The following RTN4RL1 variants were observed in gnomAD, a reference collection of about 807,000 sequenced individuals.
RTN4RL1 encodes the protein reticulon 4 receptor like 1.
A neutral mutation model predicts 25.6 loss-of-function variants in RTN4RL1; 7 were observed. The ratio of observed to expected loss-of-function variants is 0.27; its 90% confidence interval spans 0.16 to 0.51. The LOEUF (loss-of-function observed/expected upper bound fraction) is 0.51. RTN4RL1 is among the 20% of genes least tolerant of loss of function. The probability of loss-of-function intolerance (pLI) is 0.97; values close to 1 mark genes in which losing one functional copy is unlikely to be tolerated. For synonymous variants in RTN4RL1, 297 were observed against 288.2 expected (o/e 1.03, Z -0.31); for missense variants, 500 against 615.6 (o/e 0.81, Z 1.99).
At chr17:1,991,456 AAAAAAAAC>A (rs1224856612) in intron 1 of RTN4RL1, among the ~76,000 whole-genome samples, 4 of 145,122 alleles carry the variant, frequency 2.8e-5, no homozygotes, top group African/African-American at 1.0e-4. Flanking sequence ...TAAAAAAAAA[AAAAAAAAC>A]AAAAAAAAAC....
chr17:1,967,747 C>T (rs891960387), intron 1 of RTN4RL1, among the ~76,000 whole-genome samples: 1 of 152,122 alleles, frequency 6.6e-6, no homozygotes, highest in African/African-American at 2.4e-5. Context: ...TTAAGCGATT[C>T]TCCTGCCTCA....
intron 1 of RTN4RL1, among the ~76,000 whole-genome samples, chr17:1,990,046 G>T (rs961443058): frequency 6.6e-6 from 1 of 151,628 alleles, no homozygotes; most frequent in Admixed American, 6.6e-5. Context: ...CACTTAAAAT[G>T]ATTACAATGG....
intron 1 of RTN4RL1, among the ~76,000 whole-genome samples, chr17:1,992,423 A>C (rs2066913579): frequency 6.6e-6 from 1 of 152,124 alleles, no homozygotes; most frequent in Non-Finnish European, 1.5e-5. Context: ...TTCAGAGAGA[A>C]CCAACTTGTG....
At chr17:2,016,759 A>T (rs1385328362) in intron 1 of RTN4RL1, among the ~76,000 whole-genome samples, 1 of 152,220 alleles carries the variant, frequency 6.6e-6, no homozygotes, top group Non-Finnish European at 1.5e-5. Context: ...CATTGTCCCC[A>T]GCGTCCGGCC....
intron 1 of RTN4RL1, among the ~76,000 whole-genome samples, chr17:1,951,256 C>G (rs1463896634): frequency 6.8e-6 from 1 of 147,654 alleles, no homozygotes; most frequent in African/African-American, 2.5e-5. Context: ...CAGAGCGAGA[C>G]TCCGTCTCAA....
chr17:1,996,715 A>T (rs1170824706), intron 1 of RTN4RL1, among the ~76,000 whole-genome samples: 1 of 152,206 alleles, frequency 6.6e-6, no homozygotes, highest in African/African-American at 2.4e-5. Context: ...CTGGTTACAA[A>T]CTCAATCTGG....
chr17:1,952,799 G>A (rs975362069), intron 1 of RTN4RL1, among the ~76,000 whole-genome samples: 1 of 151,550 alleles, frequency 6.6e-6, no homozygotes, highest in African/African-American at 2.4e-5. Context: ...ACTGTCTGGG[G>A]TTGGTTTAAA....
intron 1 of RTN4RL1, among the ~76,000 whole-genome samples, chr17:1,992,683 C>T (rs1187239064): frequency 1.3e-5 from 2 of 152,258 alleles, no homozygotes; most frequent in Non-Finnish European, 2.9e-5. Flanking sequence ...GAAGTGGGAG[C>T]CTGCTCAGCT....
At chr17:1,977,125 ATC>A (rs2066845694) in intron 1 of RTN4RL1, among the ~76,000 whole-genome samples, 1 of 152,270 alleles carries the variant, frequency 6.6e-6, no homozygotes, top group Non-Finnish European at 1.5e-5. Flanking sequence ...AAGATGCCGT[ATC>A]CAGTTTCCTT....
intron 1 of RTN4RL1, among the ~76,000 whole-genome samples, chr17:2,002,089 G>C (rs952371770): frequency 6.6e-5 from 10 of 151,530 alleles, no homozygotes; most frequent in Non-Finnish European, 1.3e-4. Context: ...GGGGGATGAT[G>C]AGGAGAAAGA....
At chr17:1,961,055 C>T (rs533565796) in intron 1 of RTN4RL1, among the ~76,000 whole-genome samples, 1 of 152,346 alleles carries the variant, frequency 6.6e-6, no homozygotes, top group Admixed American at 6.5e-5. Flanking sequence ...CATTTATTGT[C>T]TTTCCCCTTG....
intron 1 of RTN4RL1, among the ~76,000 whole-genome samples, chr17:1,991,153 A>G (rs145665195): frequency 7.3e-4 from 111 of 152,298 alleles, no homozygotes; most frequent in African/African-American, 2.4e-3. Context: ...TGTCTGTTCT[A>G]TAAGTGCAAT....
At chr17:1,958,646 T>C (rs1407788506) in intron 1 of RTN4RL1, among the ~76,000 whole-genome samples, 1 of 152,204 alleles carries the variant, frequency 6.6e-6, no homozygotes, top group Non-Finnish European at 1.5e-5. Flanking sequence ...CAGGGGATAC[T>C]TGAAAGAGGT....
intron 1 of RTN4RL1, among the ~76,000 whole-genome samples, chr17:1,952,969 C>T (rs1184245506): frequency 1.3e-5 from 2 of 151,338 alleles, no homozygotes; most frequent in Admixed American, 1.3e-4. Context: ...CCCAGCTACT[C>T]GGGAGGCTGA....
chr17:2,011,323 C>T (rs779010285), intron 1 of RTN4RL1, among the ~76,000 whole-genome samples: 24 of 152,198 alleles, frequency 1.6e-4, no homozygotes, highest in Non-Finnish European at 3.2e-4. Context: ...CCCCTCCTGG[C>T]TGACAAGATA....
rs529008924 is a variant in RTN4RL1, at chr17:1,957,358, C to T, written c.14-19550G>A. Among the ~76,000 whole-genome samples, 42 of 152,246 alleles carry T rather than the reference C, an allele frequency of 2.8e-4. 1 individual carries two copies. In the South Asian group the frequency reaches 8.5e-3, roughly 31 times the overall value. On this transcript the variant is annotated intron_variant, in intron 1 of 1. Coordinates refer to ENST00000331238, the MANE Select transcript of RTN4RL1 (RefSeq NM_178568.4). Reference sequence around the variant, plus strand: ...CGTGAGCTATGTAAAACAGACCAGGCCCGTGAGCCTCATATGAAGAGGAGA... The same window carrying T: ...CGTGAGCTATGTAAAACAGACCAGGTCCGTGAGCCTCATATGAAGAGGAGA...
chr17:2,014,589 T>C (rs997921421), intron 1 of RTN4RL1, among the ~76,000 whole-genome samples: 10 of 152,180 alleles, frequency 6.6e-5, no homozygotes, highest in African/African-American at 2.4e-4. Context: ...CCCAGAGCTT[T>C]GGGAGGCCGA....
Position 2,006,192 on chromosome 17 carries a change from C to T in RTN4RL1, c.13+18661G>A, listed in dbSNP as rs1018024960. Among the ~76,000 whole-genome samples, 3 of 142,396 alleles carry T rather than the reference C, an allele frequency of 2.1e-5. No homozygotes were observed. In the South Asian group the frequency reaches 6.9e-4, roughly 33 times the overall value. The allele number at this position is 142,396 out of a possible 152,430, so 93.4% of individuals were successfully genotyped here. ...TTTTTTTTGGCAACAGAGCCTTGCTCTGTGGCCCAGGCTGGAGTGCAATGG... is the reference window on the plus strand; with the variant it reads ...TTTTTTTTGGCAACAGAGCCTTGCTTTGTGGCCCAGGCTGGAGTGCAATGG... On this transcript the variant is annotated intron_variant, in intron 1 of 1. Transcript: ENST00000331238.
intron 1 of RTN4RL1, among the ~76,000 whole-genome samples, chr17:1,953,136 G>A (rs1915720398): frequency 1.3e-5 from 2 of 151,454 alleles, no homozygotes; most frequent in Non-Finnish European, 2.9e-5. Flanking sequence ...GGCGAGACAT[G>A]GTAGCTCATG....
Sources: gnomAD v4.1 joint callset for allele counts (sites outside exome capture counted in the v4.1 genomes callset) on GRCh38, gnomAD v4.1.1 for gene constraint, MANE v1.5 for transcripts, NCBI Gene and HGNC (gene_info 2026-07-23, HGNC 2026-07-21) for gene names.